AUTS2: variants seen among roughly 807,000 people sequenced by gnomAD.
The protein encoded by AUTS2 is autism susceptibility gene 2 protein.
In AUTS2, 17 loss-of-function variants were observed where a neutral mutation model predicts 112.4. That is an observed-to-expected ratio of 0.15 (90% CI 0.10 to 0.23). The LOEUF is 0.23. AUTS2 is among the 10% of genes least tolerant of loss of function. AUTS2 has a pLI of 1.00. For synonymous variants in AUTS2, 751 were observed against 702.7 expected, an observed-to-expected ratio of 1.07 and a Z score of -1.09; for missense variants, 1,510 against 1,701.6, an observed-to-expected ratio of 0.89 and a Z score of 1.98.
At chr7:69,699,002 CT>C (rs1321407065) in intron 1 of AUTS2, among the ~76,000 whole-genome samples, 1 of 152,044 alleles carries the variant, frequency 6.6e-6, no homozygotes, top group Non-Finnish European at 1.5e-5. Flanking sequence ...TGATTATACT[CT>C]TTTGGTTCAT....
At chr7:70,072,982 C>CT (rs1341056562) in intron 2 of AUTS2, among the ~76,000 whole-genome samples, 1 of 151,490 alleles carries the variant, frequency 6.6e-6, no homozygotes, top group East Asian at 2.0e-4. Context: ...ATTTCAGCCT[C>CT]TAGGTAGGCT....
intron 5 of AUTS2, among the ~76,000 whole-genome samples, chr7:70,513,797 T>G (rs1563007461): frequency 6.6e-6 from 1 of 151,934 alleles, no homozygotes; most frequent in Non-Finnish European, 1.5e-5. Context: ...GTAGCTGGAA[T>G]TACAGGTGTG....
At chr7:70,655,915 C>A (rs1806747961) in intron 5 of AUTS2, among the ~76,000 whole-genome samples, 1 of 152,058 alleles carries the variant, frequency 6.6e-6, no homozygotes, top group South Asian at 2.1e-4. Flanking sequence ...TTATTGCCAG[C>A]AGTTTTTTCT....
At chr7:70,785,683 A>G (rs576034349) in intron 16 of AUTS2, among the ~76,000 whole-genome samples, 1 of 152,346 alleles carries the variant, frequency 6.6e-6, no homozygotes, top group Admixed American at 6.5e-5. Context: ...AAGTTAGTAC[A>G]TCCTAGCTTG....
intron 1 of AUTS2, among the ~76,000 whole-genome samples, chr7:69,654,785 GGT>G (rs1795450877): frequency 6.6e-6 from 1 of 151,984 alleles, no homozygotes; most frequent in Non-Finnish European, 1.5e-5. Context: ...AACTAAGTGG[GGT>G]GTTCTGGGTG....
intron 2 of AUTS2, among the ~76,000 whole-genome samples, chr7:69,967,244 A>G (rs1197090298): frequency 6.6e-6 from 1 of 152,082 alleles, no homozygotes; most frequent in Non-Finnish European, 1.5e-5. Flanking sequence ...CTGTGTCCTG[A>G]GGGGAGTGCT....
chr7:70,067,719 G>GC (rs979179929), intron 2 of AUTS2, among the ~76,000 whole-genome samples: 3 of 152,052 alleles, frequency 2.0e-5, no homozygotes, highest in Non-Finnish European at 1.5e-5. Flanking sequence ...GGGAGTGGTG[G>GC]CACATGCCTG....
Position 70,790,774 on chromosome 7 carries a change from C to G in AUTS2, c.3558C>G (p.Thr1186=), listed in dbSNP as rs751613672. Residue 1186 remains threonine (T), a synonymous_variant, in exon 19 of 19, where the codon ACC becomes ACG. Transcript: ENST00000342771. This position sits in a 1 kb window ranked among gnomAD's most constrained non-coding sequence, Gnocchi z 7.6. ...DGHLPHPSLI[T]PGLPSMHYPR... ...ACCTCCCCCACCCCAGCCTCATCAC[C>G]CCGGGACTCCCCAGCATGCACTATC... 28 of 1,612,738 alleles carry G rather than the reference C, an allele frequency of 1.7e-5. No homozygotes were observed. Among genetic ancestry groups the G allele is most frequent in the Non-Finnish European group, 2.1e-5 (25 of 1,179,638 alleles).
At chr7:70,035,747 T>C (rs916915487) in intron 2 of AUTS2, among the ~76,000 whole-genome samples, 2 of 152,170 alleles carry the variant, frequency 1.3e-5, no homozygotes, top group African/African-American at 4.8e-5. Context: ...AGAGTCTTCA[T>C]TGCATAATTT....
chr7:70,503,901 A>G (rs1180741000), intron 5 of AUTS2, among the ~76,000 whole-genome samples: 3 of 151,562 alleles, frequency 2.0e-5, no homozygotes, highest in African/African-American at 7.2e-5. Flanking sequence ...TTGACTATCA[A>G]TGCAGCATTA....
chr7:69,786,029 A>G (rs1410815366), intron 1 of AUTS2, among the ~76,000 whole-genome samples: 1 of 152,134 alleles, frequency 6.6e-6, no homozygotes, highest in Non-Finnish European at 1.5e-5. Flanking sequence ...ACGGGGTTTC[A>G]TCATGTTGGC....
chr7:70,341,793 G>A (rs553526008), intron 4 of AUTS2, among the ~76,000 whole-genome samples: 39 of 152,296 alleles, frequency 2.6e-4, no homozygotes, highest in African/African-American at 9.1e-4. Flanking sequence ...TTATTTGAAC[G>A]GTAAGGACAG....
intron 2 of AUTS2, among the ~76,000 whole-genome samples, chr7:70,079,030 G>A (rs1464293294): frequency 6.6e-6 from 1 of 152,100 alleles, no homozygotes; most frequent in African/African-American, 2.4e-5. Context: ...ATGGTGCCAG[G>A]GTTAGCTTTG....
chr7:69,899,167 A>T (rs1041903927), intron 1 of AUTS2, 119 bp from the exon 2 acceptor site: 1 of 720,576 alleles, frequency 1.4e-6, no homozygotes, highest in African/African-American at 1.8e-5. Flanking sequence ...CTCATATCCC[A>T]CTTTCCTATC....
intron 2 of AUTS2, among the ~76,000 whole-genome samples, chr7:70,055,685 A>G (rs1278506387): frequency 6.6e-6 from 1 of 152,106 alleles, no homozygotes; most frequent in African/African-American, 2.4e-5. Context: ...AGGTTTTTAC[A>G]CCACTGGAGA....
chr7:70,618,984 T>TGTAC (rs1431246280), intron 5 of AUTS2, among the ~76,000 whole-genome samples: 1 of 152,160 alleles, frequency 6.6e-6, no homozygotes, highest in African/African-American at 2.4e-5. Flanking sequence ...ACACTGTGTA[T>TGTAC]GTACATACAC....
Position 70,555,547 on chromosome 7 carries a change from G to A in AUTS2, c.690+119766G>A, listed in dbSNP as rs560385489. On this transcript the variant is annotated intron_variant, in intron 5 of 18. Coordinates refer to ENST00000342771, the MANE Select transcript of AUTS2 (RefSeq NM_015570.4). ...TCATATTCTTGGACCCTGGCACAGT[G>A]TCCTGTCTGGAGCTGAGAGTTTGCA... Among the ~76,000 whole-genome samples the A allele has an allele frequency of 3.7e-4, 57 of 152,262 alleles. No homozygotes were observed. The East Asian group carries it at 5.4e-3, about 14-fold the overall frequency.
At chr7:70,090,395 G>T (rs1165503998) in intron 2 of AUTS2, among the ~76,000 whole-genome samples, 2 of 150,576 alleles carry the variant, frequency 1.3e-5, no homozygotes, top group African/African-American at 4.9e-5. Context: ...ACGAAGTCTT[G>T]CTCTGTCACC....
intron 4 of AUTS2, among the ~76,000 whole-genome samples, chr7:70,306,459 A>C (rs571637374): frequency 4.6e-5 from 7 of 152,348 alleles, no homozygotes; most frequent in African/African-American, 1.4e-4. Context: ...CAATTTGCAT[A>C]ATCAACTTTC....
Sources: allele counts gnomAD v4.1 joint callset (sites outside exome capture counted in the v4.1 genomes callset), GRCh38; gene constraint gnomAD v4.1.1; non-coding constraint Gnocchi (gnomAD v3.1); transcripts MANE v1.5; gene names NCBI Gene and HGNC (gene_info 2026-07-23, HGNC 2026-07-21).